The following OXR1 variants were observed in gnomAD, a reference collection of about 807,000 sequenced individuals.
OXR1 encodes oxidation resistance 1.
A neutral mutation model predicts 104.6 loss-of-function variants in OXR1; 41 were observed. The ratio of observed to expected loss-of-function variants is 0.39; its 90% confidence interval spans 0.31 to 0.51. The LOEUF (loss-of-function observed/expected upper bound fraction) is 0.51, where lower values mean the gene tolerates loss of function less well. OXR1 is among the 20% of genes least tolerant of loss of function. The pLI, the probability that OXR1 is intolerant of heterozygous loss-of-function variation, is 0.77. For missense variants in OXR1, 955 were observed against 1,031.9 expected (o/e 0.93, Z 1.02); for synonymous variants, 348 against 348.4 (o/e 1.00, Z 0.01).
At chr8:106,626,404 A>T (rs1016216438) in intron 3 of OXR1, among the ~76,000 whole-genome samples, 1 of 150,598 alleles carries the variant, frequency 6.6e-6, no homozygotes, top group Non-Finnish European at 1.5e-5. Context: ...TACACATGTC[A>T]TTCTCTGTAT....
intron 1 of OXR1, among the ~76,000 whole-genome samples, chr8:106,347,069 C>T (rs573770950): frequency 2.6e-5 from 4 of 152,174 alleles, no homozygotes; most frequent in Admixed American, 2.0e-4. Context: ...AAAAAGGAAG[C>T]TCTTTGGTGT....
intron 10 of OXR1, 130 bp downstream of exon 10, chr8:106,710,920 T>G (rs911019931): frequency 3.6e-6 from 2 of 551,994 alleles, no homozygotes; most frequent in African/African-American, 3.9e-5. Context: ...ATAAGTCTAT[T>G]TGAAACCATT....
chr8:106,626,831 T>A (rs1353101683), intron 3 of OXR1, among the ~76,000 whole-genome samples: 1 of 150,894 alleles, frequency 6.6e-6, no homozygotes, highest in Non-Finnish European at 1.5e-5. Flanking sequence ...AATTTTTAAA[T>A]ATATATTATA....
chr8:106,694,578 AATGTTTATATATATTTGATATATAAAT>A lies in OXR1; in HGVS notation c.675+1704_675+1730del, dbSNP rs1563716097. Among the ~76,000 whole-genome samples, 720 of 97,500 alleles carry A rather than the reference AATGTTTATATATATTTGATATATAAAT, an allele frequency of 7.4e-3. 17 individuals carry two copies. The highest frequency in any genetic ancestry group is 0.02 in the Admixed American group (164 of 8,246). 64.0% of individuals were successfully genotyped at this position (97,500 alleles called of 152,430 possible). A position where few individuals can be genotyped will look rare whatever the true frequency, so the allele number is the denominator to read the frequency against. The stretch of plus-strand genomic sequence containing the variant: ...TATGTTTATATATATTTGATATATA[AATGTTTATATATATTTGATATATAAAT>A]ATATGTTTATATATATTTGATATAT... On this transcript the variant is annotated intron_variant, in intron 7 of 16. Transcript: ENST00000517566.
At chr8:106,456,467 G>A (rs889436940) in intron 2 of OXR1, among the ~76,000 whole-genome samples, 2 of 152,064 alleles carry the variant, frequency 1.3e-5, no homozygotes, top group South Asian at 4.2e-4. Context: ...ATCAAATAAT[G>A]GATTTTGATA....
At chr8:106,432,119 A>C (rs936068990) in intron 2 of OXR1, among the ~76,000 whole-genome samples, 1 of 152,070 alleles carries the variant, frequency 6.6e-6, no homozygotes, top group Non-Finnish European at 1.5e-5. Flanking sequence ...ATCCATTTTC[A>C]CCTGCCCTTG....
At chr8:106,356,711 T>C (rs1815988534) in intron 1 of OXR1, among the ~76,000 whole-genome samples, 1 of 142,228 alleles carries the variant, frequency 7.0e-6, no homozygotes, top group African/African-American at 2.7e-5. Flanking sequence ...TAAAAAAAGG[T>C]TAAAATTGAA....
At chr8:106,535,843 T>C (rs996013857) in intron 3 of OXR1, among the ~76,000 whole-genome samples, 1 of 152,208 alleles carries the variant, frequency 6.6e-6, no homozygotes, top group Non-Finnish European at 1.5e-5. Flanking sequence ...TATTAGTGTG[T>C]GTCATTCATT....
chr8:106,328,951 T>C (rs1814592518), intron 1 of OXR1, among the ~76,000 whole-genome samples: 1 of 152,154 alleles, frequency 6.6e-6, no homozygotes, highest in Admixed American at 6.5e-5. Flanking sequence ...CCTCTGCTTA[T>C]CACACCTGCT....
chr8:106,650,803 CAT>C (rs1824503290), intron 3 of OXR1, among the ~76,000 whole-genome samples: 1 of 152,122 alleles, frequency 6.6e-6, no homozygotes, highest in African/African-American at 2.4e-5. Flanking sequence ...AAGCATACGA[CAT>C]GTGGTGTTCT....
chr8:106,630,440 T>C (rs1051979164), intron 3 of OXR1, among the ~76,000 whole-genome samples: 3 of 152,232 alleles, frequency 2.0e-5, no homozygotes, highest in African/African-American at 7.2e-5. Flanking sequence ...CAGTGAGTTA[T>C]ACATCTATTA....
chr8:106,509,652 A>G (rs1023639116), intron 2 of OXR1, among the ~76,000 whole-genome samples: 4 of 152,238 alleles, frequency 2.6e-5, no homozygotes, highest in Non-Finnish European at 4.4e-5. Flanking sequence ...TCAAAACTGC[A>G]GAGTGTTTAT....
intron 3 of OXR1, among the ~76,000 whole-genome samples, chr8:106,672,756 C>G (rs1194218539): frequency 6.6e-6 from 1 of 151,996 alleles, no homozygotes; most frequent in Non-Finnish European, 1.5e-5. Flanking sequence ...CCATGCTGTT[C>G]TTCTTGTGAT....
At chr8:106,401,806 A>G (rs2130476983) in intron 2 of OXR1, among the ~76,000 whole-genome samples, 1 of 152,212 alleles carries the variant, frequency 6.6e-6, no homozygotes, top group East Asian at 1.9e-4. Context: ...AAGTCTAAGT[A>G]GTTGCTACTT....
intron 2 of OXR1, among the ~76,000 whole-genome samples, chr8:106,384,930 G>A (rs1198192269): frequency 1.3e-5 from 2 of 151,892 alleles, no homozygotes; most frequent in Non-Finnish European, 1.5e-5. Context: ...GGCCAGGCTG[G>A]TCTTGAACTC....
At chr8:106,507,123 A>C (rs989882278) in intron 2 of OXR1, among the ~76,000 whole-genome samples, 2 of 152,208 alleles carry the variant, frequency 1.3e-5, no homozygotes, top group Non-Finnish European at 2.9e-5. Flanking sequence ...TTCAAGGAAT[A>C]GTGAAAAAGG....
At chr8:106,737,641 A>G (rs1376024275) in intron 12 of OXR1, 41 bp downstream of exon 12, 2 of 750,266 alleles carry the variant, frequency 2.7e-6, no homozygotes, top group Admixed American at 3.6e-5. Flanking sequence ...GAGACTAAAT[A>G]CTCCCTGTTT....
intron 2 of OXR1, among the ~76,000 whole-genome samples, chr8:106,476,361 G>A (rs1030235084): frequency 6.6e-6 from 1 of 151,944 alleles, no homozygotes; most frequent in African/African-American, 2.4e-5. Context: ...ACCCAATCAA[G>A]ATAAAGGGTT....
intron 2 of OXR1, among the ~76,000 whole-genome samples, chr8:106,437,407 T>C (rs982262353): frequency 6.6e-6 from 1 of 152,176 alleles, no homozygotes; most frequent in Non-Finnish European, 1.5e-5. Flanking sequence ...TAGCATAGAA[T>C]GGAATTTTTC....
Sources: allele counts gnomAD v4.1 joint callset (sites outside exome capture counted in the v4.1 genomes callset), GRCh38; gene constraint gnomAD v4.1.1; transcripts MANE v1.5; gene names NCBI Gene and HGNC (gene_info 2026-07-23, HGNC 2026-07-21).